The following TBC1D10B variants were observed in gnomAD, a reference collection of about 807,000 sequenced individuals.
The protein encoded by TBC1D10B is TBC1 domain family member 10B, also known as Rab27A-GAPbeta.
Under a neutral mutation model 78.4 loss-of-function variants are expected in TBC1D10B, and 25 were observed. That is an observed-to-expected ratio of 0.32 (90% CI 0.23 to 0.45). The LOEUF (loss-of-function observed/expected upper bound fraction) is 0.45. Among genes scored for constraint, TBC1D10B ranks in the 20% least tolerant of loss-of-function variants. TBC1D10B has a pLI of 1.00. For synonymous variants in TBC1D10B, 517 were observed against 478.0 expected (o/e 1.08, Z -1.06); for missense variants, 996 against 1,104.8 (o/e 0.90, Z 1.40).
At position 30,365,430 on chromosome 16, in the gene TBC1D10B, T is replaced by A; in HGVS notation, c.1056+65A>T. 1 of 1,574,848 alleles carries A rather than the reference T, an allele frequency of 6.3e-7. No individual in the cohort carries two copies. Among genetic ancestry groups the A allele is most frequent in the Non-Finnish European group, 8.7e-7 (1 of 1,144,410 alleles). On this transcript the variant is annotated intron_variant, in intron 2 of 8. Transcript: ENST00000409939. This position sits in a 1 kb window ranked among gnomAD's most constrained non-coding sequence, Gnocchi z 5.0. ...GCAGATATTATCGGCTTCCTGGGCT[T>A]CCCTGGAGCACATGCTACCCCTCCC...
Position 30,358,590 on chromosome 16 carries a change from T to G in TBC1D10B, c.1798-17A>C. ...ATTGGTCACCTGCACAGAGAGGAAATGCGTACCAGAATGGAGCTGAGGGTG... is the reference window on the plus strand; with the variant it reads ...ATTGGTCACCTGCACAGAGAGGAAAGGCGTACCAGAATGGAGCTGAGGGTG... On this transcript the variant is annotated splice_polypyrimidine_tract_variant and intron_variant, in intron 8 of 8. Transcript: ENST00000409939. 1 of 1,592,430 alleles carries G rather than the reference T, an allele frequency of 6.3e-7. No individual in the cohort carries two copies. The highest frequency in any genetic ancestry group is 8.6e-7 in the Non-Finnish European group (1 of 1,164,496).
chr16:30,365,052 T>C lies in TBC1D10B; in HGVS notation c.1165-46A>G, dbSNP rs543968047. The stretch of plus-strand genomic sequence containing the variant: ...TTACCTCAGCATCTGGGGGAACTGA[T>C]ACCCCTTGCACAGACAGGGCCACAT... On this transcript the variant is annotated intron_variant, in intron 3 of 8. Transcript: ENST00000409939. This position sits in a 1 kb window ranked among gnomAD's most constrained non-coding sequence, Gnocchi z 5.0. 30 of 1,612,538 alleles carry C rather than the reference T, an allele frequency of 1.9e-5. No homozygotes were observed. In the South Asian group the frequency reaches 3.0e-4, roughly 16 times the overall value.
Position 30,358,789 on chromosome 16 carries a change from C to G in TBC1D10B, c.1671G>C (p.Leu557=). The change falls in exon 8 of 9, where the codon CTG becomes CTC. Residue 557 remains leucine, a synonymous_variant. Transcript: ENST00000409939. The part of the protein sequence containing the change: ...EGVKIIFRVA[L]VLLRHTLGSV... ...AGCCCAGCGTGTGGCGCAGCAGGACCAGGGCCACCCGGAAGATGATCTTAA... is the reference window on the plus strand; with the variant it reads ...AGCCCAGCGTGTGGCGCAGCAGGACGAGGGCCACCCGGAAGATGATCTTAA... 6.2e-7 allele frequency: 1 copy of G among 1,609,094 alleles called. No homozygotes were observed. The highest frequency in any genetic ancestry group is 8.5e-7 in the Non-Finnish European group (1 of 1,178,036).
rs1209162397 is a variant in TBC1D10B at position 30,358,129 on chromosome 16, T to C, written c.2242A>G (p.Lys748Glu). Residue 748 changes from lysine to glutamate, a missense_variant, in exon 9 of 9, where the codon AAG (lysine) becomes GAG (glutamate). Around this residue, in one of 5 missense-constraint regions of TBC1D10B, gnomAD observed 285 missense variants for 252.5 expected, o/e 1.13. Coordinates refer to ENST00000409939, the MANE Select transcript of TBC1D10B (RefSeq NM_015527.4). ...QEKEREKERQ[K>E]QEKEREKQEK... ...TGCTTCTCTCGCTCTTTCTCCTGCT[T>C]CTGCCGCTCCTTCTCCCGCTCCTTC... 1.3e-6 allele frequency: 2 copies of C among 1,551,384 alleles called. No individual in the cohort carries two copies. The highest frequency in any genetic ancestry group is 1.7e-6 in the Non-Finnish European group (2 of 1,146,742).
At position 30,357,603 on chromosome 16, in the gene TBC1D10B, G is replaced by GT. The variant is rs138039987; in HGVS notation, c.*340dup. 16 of 368,004 alleles carry GT rather than the reference G, an allele frequency of 4.3e-5. No homozygotes were observed. In the East Asian group the frequency reaches 7.3e-4, roughly 17 times the overall value. 22.8% of individuals were successfully genotyped at this position (368,004 alleles called of 1,614,324 possible). A position where few individuals can be genotyped will look rare whatever the true frequency, so the allele number is the denominator to read the frequency against. ...CTCATGGTAAGGGGAGCTATGGAGT[G>GT]TAAGAATCTGAAACTGCTGACTCCC... On this transcript the variant is annotated 3_prime_UTR_variant, in exon 9 of 9. Transcript: ENST00000409939.
Position 30,357,602 on chromosome 16 carries a change from T to A in TBC1D10B, c.*342A>T. ...CCTCATGGTAAGGGGAGCTATGGAGTGTAAGAATCTGAAACTGCTGACTCC... is the reference window on the plus strand; with the variant it reads ...CCTCATGGTAAGGGGAGCTATGGAGAGTAAGAATCTGAAACTGCTGACTCC... On this transcript the variant is annotated 3_prime_UTR_variant, in exon 9 of 9. Coordinates refer to ENST00000409939, the MANE Select transcript of TBC1D10B (RefSeq NM_015527.4). 2.9e-6 allele frequency: 1 copy of A among 345,592 alleles called. No homozygotes were observed. The highest frequency in any genetic ancestry group is 5.3e-6 in the Non-Finnish European group (1 of 186,984). The allele number at this position is 345,592 out of a possible 1,614,324, so 21.4% of individuals were successfully genotyped here.
At chr16:30,359,633 TG>T in intron 5 of TBC1D10B, 30 bp from the exon 6 acceptor site, 1 of 1,556,620 alleles carries the variant, frequency 6.4e-7, no homozygotes, top group Non-Finnish European at 8.7e-7. Context: ...GGAGGAGGGG[TG>T]GGGCCTGAGA....
At chr16:30,366,886 A>G (rs938326013) in intron 1 of TBC1D10B, 4 of 152,052 alleles carry the variant, frequency 2.6e-5, no homozygotes, top group Non-Finnish European at 5.9e-5. Context: ...TTCCTCAATT[A>G]TAAAAAGACA....
At position 30,357,636 on chromosome 16, in the gene TBC1D10B, G is replaced by T; in HGVS notation, c.*308C>A. The T allele has an allele frequency of 2.2e-6, 1 of 448,084 alleles. No homozygotes were observed. The highest frequency in any genetic ancestry group is 4.0e-6 in the Non-Finnish European group (1 of 249,278). The allele number at this position is 448,084 out of a possible 1,614,324, so 27.8% of individuals were successfully genotyped here. A position where few individuals can be genotyped will look rare whatever the true frequency, so the allele number is the denominator to read the frequency against. On this transcript the variant is annotated 3_prime_UTR_variant, in exon 9 of 9. Transcript: ENST00000409939. ...CTGAAACTGCTGACTCCCATCACCA[G>T]GAGTCACCCCTGGGATGACAACGGG...
chr16:30,370,434 G>T lies in TBC1D10B; in HGVS notation c.-251C>A, dbSNP rs1258648640. Among the ~76,000 whole-genome samples, 1 of 151,920 alleles carries T rather than the reference G, an allele frequency of 6.6e-6. No homozygotes were observed. The highest frequency in any genetic ancestry group is 2.4e-5 in the African/African-American group (1 of 41,398). On this transcript the variant is annotated 5_prime_UTR_variant, in exon 1 of 9. Transcript: ENST00000409939. ...CACCGCCCCCTCCCTCCTGCTTGGG[G>T]GCGAGCCGCCGACCTCGCGCCTGCG...
At chr16:30,367,358 C>T (rs1349706662) in intron 1 of TBC1D10B, 1 of 152,126 alleles carries the variant, frequency 6.6e-6, no homozygotes, top group South Asian at 2.1e-4. Flanking sequence ...ACAGAGAGAC[C>T]ATCTCTCATT....
At position 30,370,163 on chromosome 16, in the gene TBC1D10B, G is replaced by T; in HGVS notation, c.21C>A (p.Pro7=). ...CATGACGGCGCGGCGGGGCCACCAG[G>T]GGCGCCGTGCCCGTCTCCATGGCCG... The part of the protein sequence containing the change: METGTA[P]LVAPPRRHGA... Residue 7 remains proline, a synonymous_variant, in exon 1 of 9, where the codon CCC becomes CCA. Coordinates refer to ENST00000409939, the MANE Select transcript of TBC1D10B (RefSeq NM_015527.4). The T allele has an allele frequency of 8.5e-7, 1 of 1,183,154 alleles. No individual in the cohort carries two copies. The highest frequency in any genetic ancestry group is 4.2e-5 in the South Asian group (1 of 23,948). The allele number at this position is 1,183,154 out of a possible 1,614,324, so 73.3% of individuals were successfully genotyped here.
In TBC1D10B at chr16:30,365,155, A is replaced by G; in HGVS notation, c.1114T>C (p.Tyr372His). 2 of 1,614,000 alleles carry G rather than the reference A, an allele frequency of 1.2e-6. No individual in the cohort carries two copies. Among genetic ancestry groups the G allele is most frequent in the East Asian group, 2.2e-5 (1 of 44,870 alleles). ...AGAAGTTCCTTGCTATTAGACAGGT[A>G]CTGCCAGGCTTTGGCTCTGAGAGAG... ...PSSLRAKAWQ[Y>H]LSNSKELLEQ... The change falls in exon 3 of 9, where the codon TAC becomes CAC. Residue 372 changes from tyrosine (Y) to histidine (H), a missense_variant. This residue lies in a region of TBC1D10B where 93 missense variants were observed against 152.7 expected (regional missense o/e 0.61). Coordinates refer to ENST00000409939, the MANE Select transcript of TBC1D10B (RefSeq NM_015527.4). The surrounding 1 kb of genome is among the most constrained non-coding windows in gnomAD (Gnocchi z 5.0).
chr16:30,370,190 G>A lies in TBC1D10B; in HGVS notation c.-7C>T. 1 of 1,155,422 alleles carries A rather than the reference G, an allele frequency of 8.7e-7. No individual in the cohort carries two copies. The highest frequency in any genetic ancestry group is 1.1e-6 in the Non-Finnish European group (1 of 938,008). The allele number at this position is 1,155,422 out of a possible 1,614,324, so 71.6% of individuals were successfully genotyped here. On this transcript the variant is annotated 5_prime_UTR_variant, in exon 1 of 9. Coordinates refer to ENST00000409939, the MANE Select transcript of TBC1D10B (RefSeq NM_015527.4). ...GCGCCGTGCCCGTCTCCATGGCCGCGGGCCGCCCCTCACATCCCCCCGCCG... is the reference window on the plus strand; with the variant it reads ...GCGCCGTGCCCGTCTCCATGGCCGCAGGCCGCCCCTCACATCCCCCCGCCG...
At chr16:30,362,480 C>T (rs903747956) in intron 4 of TBC1D10B, among the ~76,000 whole-genome samples, 7 of 152,278 alleles carry the variant, frequency 4.6e-5, no homozygotes, top group Non-Finnish European at 8.8e-5. Context: ...TCTCCTTTAC[C>T]GGCTCTTTCT....
Position 30,358,002 on chromosome 16 carries a change from C to A in TBC1D10B, c.2369G>T (p.Gly790Val). The A allele has an allele frequency of 6.4e-7, 1 of 1,551,794 alleles. No homozygotes were observed. Among genetic ancestry groups the A allele is most frequent in the Non-Finnish European group, 8.7e-7 (1 of 1,146,996 alleles). The change falls in exon 9 of 9, where the codon GGC (glycine) becomes GTC (valine). Residue 790 changes from glycine to valine, a missense_variant. Physicochemically the swap from Gly to Val is moderately radical, Grantham distance 109. Coordinates refer to ENST00000409939, the MANE Select transcript of TBC1D10B (RefSeq NM_015527.4). ...GGGCCTGTCCCCACCATCATGGGGG[C>A]CTGGGGGCCCATCTGCCTTTCGACG... ...SLRRKADGPP[G>V]PHDGGDRPSA...
In TBC1D10B at chr16:30,370,339, G is replaced by T; in HGVS notation, c.-156C>A. ...AGCGGCCGCTGGGCGCGCAGAGGCG[G>T]GGCAGGGGTCGGGGGGCGCCGCGCG... On this transcript the variant is annotated 5_prime_UTR_variant, in exon 1 of 9. Coordinates refer to ENST00000409939, the MANE Select transcript of TBC1D10B (RefSeq NM_015527.4). The T allele has an allele frequency of 4.4e-6, 1 of 225,316 alleles. No individual in the cohort carries two copies. The highest frequency in any genetic ancestry group is 1.5e-4 in the South Asian group (1 of 6,586). 14.0% of individuals were successfully genotyped at this position (225,316 alleles called of 1,614,324 possible).
Position 30,357,927 on chromosome 16 carries a change from C to T in TBC1D10B, c.*17G>A, listed in dbSNP as rs897333527. 7 of 1,545,020 alleles carry T rather than the reference C, an allele frequency of 4.5e-6. No individual in the cohort carries two copies. The Admixed American group carries it at 9.9e-5, about 22-fold the overall frequency. ...AGGGAAAGAGGGGGGCCATGCAGTC[C>T]AGCCCCAGGGCAGAGGTCAGAAGTA... On this transcript the variant is annotated 3_prime_UTR_variant, in exon 9 of 9. Coordinates refer to ENST00000409939, the MANE Select transcript of TBC1D10B (RefSeq NM_015527.4).
Position 30,369,599 on chromosome 16 carries a change from C to A in TBC1D10B, c.585G>T (p.Gly195=). ...CTGATGTTGCTGCGGCAGCTCCATG[C>A]CCACCTGTCACTTGTCCTGATGCAC... The part of the protein sequence containing the change: ...ARSASGQVTG[G]HGAAAATSAS... The change falls in exon 1 of 9, where the codon GGG becomes GGT. Residue 195 remains glycine (G), a synonymous_variant. Transcript: ENST00000409939. This position sits in a 1 kb window ranked among gnomAD's most constrained non-coding sequence, Gnocchi z 4.3. The A allele has an allele frequency of 6.5e-7, 1 of 1,527,180 alleles. No homozygotes were observed. Among genetic ancestry groups the A allele is most frequent in the Admixed American group, 2.1e-5 (1 of 47,548 alleles). 94.6% of individuals were successfully genotyped at this position (1,527,180 alleles called of 1,614,324 possible).
Sources: allele counts gnomAD v4.1 joint callset (sites outside exome capture counted in the v4.1 genomes callset), GRCh38; gene constraint gnomAD v4.1.1; regional missense constraint gnomAD v4.1.1; non-coding constraint Gnocchi (gnomAD v3.1); transcripts MANE v1.5; gene names NCBI Gene and HGNC (gene_info 2026-07-23, HGNC 2026-07-21).